CDH13: variants seen among roughly 807,000 people sequenced by gnomAD.
The protein encoded by CDH13 is cadherin 13, also known as cadherin-13.
In CDH13, 24 loss-of-function variants were observed where a neutral mutation model predicts 63.8. That is an observed-to-expected ratio of 0.38 (90% CI 0.27 to 0.53). The LOEUF is 0.53. Among genes scored for constraint, CDH13 ranks in the 20% least tolerant of loss-of-function variants. CDH13 has a pLI of 0.85. For synonymous variants in CDH13, 503 were observed against 355.3 expected, an observed-to-expected ratio of 1.42 and a Z score of -4.67; for missense variants, 1,049 against 903.1, an observed-to-expected ratio of 1.16 and a Z score of -2.07.
At chr16:83,127,196 T>C (rs1446496633) in intron 4 of CDH13, among the ~76,000 whole-genome samples, 1 of 151,914 alleles carries the variant, frequency 6.6e-6, no homozygotes, top group African/African-American at 2.4e-5. Flanking sequence ...AGGATGACAG[T>C]GGTAAAAGTG....
chr16:83,002,057 C>T (rs117280103), intron 2 of CDH13, among the ~76,000 whole-genome samples: 21 of 152,352 alleles, frequency 1.4e-4, no homozygotes, highest in Admixed American at 2.6e-4. Flanking sequence ...GCCATACTGT[C>T]TTCTAGGCAC....
intron 2 of CDH13, among the ~76,000 whole-genome samples, chr16:82,886,204 T>A (rs954056106): frequency 2.6e-5 from 4 of 152,220 alleles, no homozygotes; most frequent in African/African-American, 9.6e-5. Context: ...TATATCAAAT[T>A]TCTGTTGTTA....
Position 82,949,674 on chromosome 16 carries a change from G to C in CDH13, c.158-82336G>C, listed in dbSNP as rs558956922. Among the ~76,000 whole-genome samples the C allele has an allele frequency of 2.6e-5, 4 of 152,256 alleles. No individual in the cohort carries two copies. The South Asian group carries it at 8.3e-4, about 32-fold the overall frequency. ...GCCATTTGTGCTAGCAACAGTCAGA[G>C]AAAACTTTTTTTTTATAGCAAATTG... On this transcript the variant is annotated intron_variant, in intron 2 of 13. Transcript: ENST00000567109.
chr16:83,714,155 G>A (rs1055985492), intron 10 of CDH13, among the ~76,000 whole-genome samples: 4 of 152,122 alleles, frequency 2.6e-5, no homozygotes, highest in African/African-American at 7.2e-5. Context: ...TGCCGCAGAA[G>A]CCACAACAAT....
chr16:82,635,691 A>G (rs1908568184), intron 1 of CDH13, among the ~76,000 whole-genome samples: 1 of 152,184 alleles, frequency 6.6e-6, no homozygotes, highest in Non-Finnish European at 1.5e-5. Flanking sequence ...GACGGTGCAG[A>G]GATGGGGCAG....
chr16:83,747,417 T>G (rs567642223), intron 10 of CDH13, among the ~76,000 whole-genome samples: 1 of 152,178 alleles, frequency 6.6e-6, no homozygotes, highest in Non-Finnish European at 1.5e-5. Flanking sequence ...ACGTAAGACA[T>G]GCCTTTCACC....
chr16:83,063,387 A>C (rs373690612), intron 3 of CDH13, among the ~76,000 whole-genome samples: 1 of 152,186 alleles, frequency 6.6e-6, no homozygotes, highest in East Asian at 1.9e-4. Flanking sequence ...AAGCAGCCCA[A>C]GATTATCTCA....
intron 1 of CDH13, among the ~76,000 whole-genome samples, chr16:82,797,994 A>G (rs1338286059): frequency 3.3e-5 from 5 of 152,192 alleles, no homozygotes; most frequent in Non-Finnish European, 5.9e-5. Context: ...ATCCAGATTT[A>G]AGATGTCATT....
intron 6 of CDH13, among the ~76,000 whole-genome samples, chr16:83,407,792 A>T (rs920625046): frequency 1.4e-4 from 21 of 152,200 alleles, no homozygotes; most frequent in Non-Finnish European, 2.8e-4. Context: ...CCTTTCCAGC[A>T]TTGCGCATTA....
chr16:82,966,653 G>A (rs188161929), intron 2 of CDH13, among the ~76,000 whole-genome samples: 2 of 152,106 alleles, frequency 1.3e-5, no homozygotes. Flanking sequence ...AGACTTACAG[G>A]AAAGTTGCAA....
At chr16:83,074,259 G>A (rs560685751) in intron 3 of CDH13, among the ~76,000 whole-genome samples, 2 of 152,202 alleles carry the variant, frequency 1.3e-5, no homozygotes, top group Non-Finnish European at 2.9e-5. Flanking sequence ...TTCTGTGTCT[G>A]GCATATTTCA....
intron 1 of CDH13, among the ~76,000 whole-genome samples, chr16:82,678,235 G>T (rs192126888): frequency 3.9e-4 from 59 of 151,894 alleles, no homozygotes; most frequent in African/African-American, 1.4e-3. Flanking sequence ...CATAGGTCTA[G>T]GATCAGAAAT....
chr16:82,879,562 G>A (rs1327853842), intron 2 of CDH13, among the ~76,000 whole-genome samples: 1 of 135,802 alleles, frequency 7.4e-6, no homozygotes, highest in Non-Finnish European at 1.5e-5. Flanking sequence ...TACATATATT[G>A]TATATTTTAT....
chr16:83,292,808 G>C (rs1047152568), intron 5 of CDH13, among the ~76,000 whole-genome samples: 4 of 152,152 alleles, frequency 2.6e-5, no homozygotes, highest in African/African-American at 9.7e-5. Flanking sequence ...TAGCTTGATA[G>C]TGCTCTGTTT....
chr16:83,467,949 G>A (rs113359907), intron 6 of CDH13, among the ~76,000 whole-genome samples: 7,721 of 152,252 alleles, frequency 0.051, 656 homozygotes, highest in African/African-American at 0.18. Flanking sequence ...GTAGGATGAG[G>A]TTAGAAGCAA....
At chr16:83,771,165 A>G (rs1449177827) in intron 11 of CDH13, among the ~76,000 whole-genome samples, 1 of 152,044 alleles carries the variant, frequency 6.6e-6, no homozygotes, top group East Asian at 1.9e-4. Flanking sequence ...CTCTACGTAA[A>G]TCTTCACCTT....
chr16:83,037,690 G>T (rs557228540), intron 3 of CDH13, among the ~76,000 whole-genome samples: 1 of 152,274 alleles, frequency 6.6e-6, no homozygotes, highest in South Asian at 2.1e-4. Context: ...ATGTGGGACT[G>T]GCTGCTAGAG....
chr16:82,845,633 A>T (rs533721362), intron 1 of CDH13, among the ~76,000 whole-genome samples: 5 of 152,266 alleles, frequency 3.3e-5, no homozygotes, highest in Non-Finnish European at 7.4e-5. Flanking sequence ...GCCACATGGT[A>T]GGCATTCATT....
intron 1 of CDH13, among the ~76,000 whole-genome samples, chr16:82,792,308 C>T (rs943687344): frequency 6.6e-6 from 1 of 152,146 alleles, no homozygotes; most frequent in African/African-American, 2.4e-5. Context: ...CACCCTTTCT[C>T]GCTTGCTTGG....
Sources: allele counts gnomAD v4.1 joint callset (sites outside exome capture counted in the v4.1 genomes callset), GRCh38; gene constraint gnomAD v4.1.1; transcripts MANE v1.5; gene names NCBI Gene and HGNC (gene_info 2026-07-23, HGNC 2026-07-21).